The following TBC1D32 variants were observed in gnomAD, a reference collection of about 807,000 sequenced individuals.
TBC1D32 encodes the protein protein broad-minded.
A neutral mutation model predicts 170.3 loss-of-function variants in TBC1D32; 151 were observed. The ratio of observed to expected loss-of-function variants is 0.89; its 90% confidence interval spans 0.78 to 1.01. The LOEUF is 1.01. Among genes scored for constraint, TBC1D32 ranks in the 50% least tolerant of loss-of-function variants. TBC1D32 has a pLI of 0.00. For missense variants in TBC1D32, 1,464 were observed against 1,457.1 expected (o/e 1.00, Z -0.08); for synonymous variants, 498 against 488.0 (o/e 1.02, Z -0.27).
At chr6:121,176,632 C>CT (rs1374573085) in intron 22 of TBC1D32, among the ~76,000 whole-genome samples, 1 of 151,856 alleles carries the variant, frequency 6.6e-6, no homozygotes, top group Non-Finnish European at 1.5e-5. Context: ...GAGTTTCACT[C>CT]TTGTCCCCCA....
intron 22 of TBC1D32, among the ~76,000 whole-genome samples, chr6:121,196,191 CT>C (rs1435332325): frequency 2.6e-5 from 4 of 152,180 alleles, no homozygotes; most frequent in Non-Finnish European, 2.9e-5. Context: ...CCAGCCACCC[CT>C]GTCATCACCC....
chr6:121,231,286 A>G (rs1329039871), intron 20 of TBC1D32, among the ~76,000 whole-genome samples: 2 of 152,126 alleles, frequency 1.3e-5, no homozygotes, highest in African/African-American at 4.8e-5. Flanking sequence ...GTAGTATTCC[A>G]TGGTATACAT....
chr6:121,195,212 C>G (rs1242502352), intron 22 of TBC1D32, among the ~76,000 whole-genome samples: 1 of 152,200 alleles, frequency 6.6e-6, no homozygotes, highest in African/African-American at 2.4e-5. Context: ...GTCCAGGCTG[C>G]TGTGCAAGCT....
intron 24 of TBC1D32, among the ~76,000 whole-genome samples, chr6:121,134,640 G>A (rs1310877336): frequency 2.0e-5 from 3 of 152,076 alleles, no homozygotes; most frequent in Non-Finnish European, 4.4e-5. Flanking sequence ...AGCCACCATT[G>A]AGAGTATATG....
chr6:121,214,908 T>C (rs966873339), intron 21 of TBC1D32, among the ~76,000 whole-genome samples: 2 of 152,144 alleles, frequency 1.3e-5, no homozygotes, highest in Admixed American at 6.5e-5. Context: ...TGAGCAACAA[T>C]ACAGCTCTCA....
intron 20 of TBC1D32, among the ~76,000 whole-genome samples, chr6:121,237,993 A>G (rs1386080065): frequency 6.6e-6 from 1 of 152,124 alleles, no homozygotes; most frequent in African/African-American, 2.4e-5. Context: ...TAGCAGTTAC[A>G]TTGGCCAGAT....
chr6:121,088,082 C>T (rs540252321), intron 31 of TBC1D32, among the ~76,000 whole-genome samples: 5 of 151,830 alleles, frequency 3.3e-5, no homozygotes, highest in African/African-American at 9.7e-5. Context: ...TCCTCAGTAG[C>T]TGGGACTATA....
intron 17 of TBC1D32, among the ~76,000 whole-genome samples, chr6:121,245,484 T>C (rs1797476439): frequency 6.6e-6 from 1 of 152,166 alleles, no homozygotes; most frequent in African/African-American, 2.4e-5. Context: ...ATCTTTCTGC[T>C]GGTGGGAAAT....
At position 121,185,098 on chromosome 6, in the gene TBC1D32, C is replaced by T. The variant is rs917789809; in HGVS notation, c.2570+19977G>A. On this transcript the variant is annotated intron_variant, in intron 22 of 31. Coordinates refer to ENST00000398212, the MANE Select transcript of TBC1D32 (RefSeq NM_152730.6). ...CCTGACCATCTAGACCAACCATTAG[C>T]AATGGTCCATAAACCTATACAAATC... Among the ~76,000 whole-genome samples, 6 of 151,616 alleles carry T rather than the reference C, an allele frequency of 4.0e-5. No homozygotes were observed. In the East Asian group the frequency reaches 1.2e-3, roughly 29 times the overall value.
intron 22 of TBC1D32, among the ~76,000 whole-genome samples, chr6:121,176,027 A>G (rs1787717889): frequency 6.6e-6 from 1 of 152,346 alleles, no homozygotes; most frequent in Middle Eastern, 3.4e-3. Flanking sequence ...ATTCGCCAAT[A>G]AACACACATA....
intron 26 of TBC1D32, among the ~76,000 whole-genome samples, chr6:121,122,520 A>C (rs1780373262): frequency 6.6e-6 from 1 of 151,810 alleles, no homozygotes; most frequent in Admixed American, 6.6e-5. Flanking sequence ...GAAAATACCC[A>C]TATATCTTGC....
chr6:121,117,226 T>A (rs928056394), intron 26 of TBC1D32, among the ~76,000 whole-genome samples: 1 of 152,174 alleles, frequency 6.6e-6, no homozygotes, highest in Admixed American at 6.6e-5. Flanking sequence ...AATGAGAATA[T>A]ATGGAGGTGT....
Position 121,256,204 on chromosome 6 carries a change from C to A in TBC1D32, c.1815G>T (p.Met605Ile). The change falls in exon 16 of 32, where the codon ATG becomes ATT. Residue 605 changes from methionine to isoleucine, a missense_variant. Met to Ile is a conservative substitution (Grantham distance 10). Around this residue, in one of 3 missense-constraint regions of TBC1D32, gnomAD observed 1,363 missense variants for 1,338.1 expected, o/e 1.02. Transcript: ENST00000398212. ...TAAAAGCTCCTTTAACCACAGGCAA[C>A]ATTTCTGATCCAGAAAATATAGAAA... ...EDISIFSGSE[M>I]LPVVKGAFIS... The A allele has an allele frequency of 1.2e-6, 2 of 1,613,908 alleles. No individual in the cohort carries two copies. The highest frequency in any genetic ancestry group is 1.7e-6 in the Non-Finnish European group (2 of 1,179,910).
chr6:121,223,815 G>A (rs1002862529), intron 20 of TBC1D32, among the ~76,000 whole-genome samples: 8 of 142,346 alleles, frequency 5.6e-5, no homozygotes, highest in African/African-American at 2.0e-4. Context: ...ACCTAAATAT[G>A]ATAGCTAATT....
At chr6:121,196,038 T>C (rs1273774) in intron 22 of TBC1D32, among the ~76,000 whole-genome samples, 17,758 of 152,206 alleles carry the variant, frequency 0.12, 1,498 homozygotes, top group Admixed American at 0.23. Flanking sequence ...AGTATGTGGA[T>C]GGACCTCTTT....
chr6:121,148,474 C>G (rs1273711), intron 24 of TBC1D32, among the ~76,000 whole-genome samples: 132,174 of 151,884 alleles, frequency 0.87, 59,614 homozygotes, highest in Non-Finnish European at 0.98. Flanking sequence ...ATAACAGAAT[C>G]ACTTAAAATC....
chr6:121,300,110 T>C (rs1316458565), intron 9 of TBC1D32, among the ~76,000 whole-genome samples: 1 of 152,106 alleles, frequency 6.6e-6, no homozygotes, highest in Non-Finnish European at 1.5e-5. Context: ...ATATAAGATA[T>C]CATTAGTGTT....
chr6:121,286,691 A>G (rs1389276091), intron 12 of TBC1D32, among the ~76,000 whole-genome samples: 1 of 152,196 alleles, frequency 6.6e-6, no homozygotes. Flanking sequence ...ACTCCAAGAC[A>G]CATAATTGTC....
rs532079165 is a variant in TBC1D32 at position 121,188,760 on chromosome 6, T to C, written c.2570+16315A>G. Among the ~76,000 whole-genome samples the C allele has an allele frequency of 7.2e-5, 11 of 152,242 alleles. No homozygotes were observed. The South Asian group carries it at 2.3e-3, about 32-fold the overall frequency. On this transcript the variant is annotated intron_variant, in intron 22 of 31. Transcript: ENST00000398212. ...CCATACTTTTTGACTTTTTAAAATA[T>C]GTACATTTATTACTTCAATAAAAAT...
Sources: gnomAD v4.1 joint callset for allele counts (sites outside exome capture counted in the v4.1 genomes callset) on GRCh38, gnomAD v4.1.1 for gene constraint, gnomAD v4.1.1 regional missense constraint, MANE v1.5 for transcripts, NCBI Gene and HGNC (gene_info 2026-07-23, HGNC 2026-07-21) for gene names.